The following KAZN variants were observed in gnomAD, a reference collection of about 807,000 sequenced individuals.
KAZN encodes kazrin, periplakin interacting protein, also known as kazrin.
A neutral mutation model predicts 87.4 loss-of-function variants in KAZN; 40 were observed. The observed-to-expected ratio is 0.46, with a 90% confidence interval of 0.36 to 0.60. KAZN has a LOEUF of 0.60. Among genes scored for constraint, KAZN ranks in the 20% least tolerant of loss-of-function variants. The pLI is 0.00. For synonymous variants in KAZN, 466 were observed against 458.3 expected (o/e 1.02, Z -0.22); for missense variants, 898 against 1,073.9 (o/e 0.84, Z 2.29).
intron 1 of KAZN, among the ~76,000 whole-genome samples, chr1:14,918,690 A>T (rs1658102737): frequency 2.9e-5 from 1 of 34,840 alleles, no homozygotes; most frequent in African/African-American, 1.0e-4. Flanking sequence ...AAAAAAAAAA[A>T]AAAAAAAAAA....
rs111422240 is a variant in KAZN at position 14,503,377 on chromosome 1, G to A, written c.250-95606G>A. Among the ~76,000 whole-genome samples, 342 of 151,204 alleles carry A rather than the reference G, an allele frequency of 2.3e-3. 1 individual carries two copies. Among genetic ancestry groups the A allele is most frequent in the Non-Finnish European group, 3.4e-3 (231 of 67,840 alleles). ...CGGGTGCCTGTGGTCCCAGCTACTC[G>A]GGAGGCTGAGGCAGGAGAATGGCAT... On this transcript the variant is annotated intron_variant, in intron 2 of 16. Coordinates refer to the KAZN transcript ENST00000636203.
intron 2 of KAZN, among the ~76,000 whole-genome samples, chr1:14,416,440 A>G (rs542245603): frequency 1.1e-4 from 16 of 152,348 alleles, no homozygotes; most frequent in Middle Eastern, 3.4e-3. Context: ...ATAGTAATAT[A>G]AAAAATGAGT....
At chr1:14,105,003 A>C (rs1330860872) in intron 1 of KAZN, among the ~76,000 whole-genome samples, 1 of 152,024 alleles carries the variant, frequency 6.6e-6, no homozygotes, top group African/African-American at 2.4e-5. Flanking sequence ...TATCTCCCTT[A>C]TCTGTGGAGG....
intron 1 of KAZN, among the ~76,000 whole-genome samples, chr1:14,686,584 C>G (rs1557889378): frequency 6.6e-6 from 1 of 152,228 alleles, no homozygotes; most frequent in Non-Finnish European, 1.5e-5. Flanking sequence ...ACCTGAAAAT[C>G]ATAGCAAAAT....
At chr1:14,035,827 C>T (rs963239500) in intron 1 of KAZN, among the ~76,000 whole-genome samples, 3 of 152,084 alleles carry the variant, frequency 2.0e-5, no homozygotes, top group Non-Finnish European at 2.9e-5. Context: ...CCTACTCCCT[C>T]AACTAGAGTT....
chr1:13,994,922 G>A (rs982718496), intron 1 of KAZN, among the ~76,000 whole-genome samples: 1 of 152,096 alleles, frequency 6.6e-6, no homozygotes, highest in Non-Finnish European at 1.5e-5. Context: ...TGAGGTTGGA[G>A]AGTAGAAAGC....
chr1:14,349,895 GGGAGGCGGAGGAGGGC>G (rs1279816548), intron 2 of KAZN, among the ~76,000 whole-genome samples: 5 of 152,070 alleles, frequency 3.3e-5, no homozygotes, highest in Non-Finnish European at 7.4e-5. Flanking sequence ...CCAGCACTTT[GGGAGGCGGAGGAGGGC>G]GGATCACGAG....
chr1:14,499,363 C>A (rs191734038), intron 2 of KAZN, among the ~76,000 whole-genome samples: 248 of 152,320 alleles, frequency 1.6e-3, no homozygotes, highest in African/African-American at 1.1e-3. Context: ...TTCTCTCCCC[C>A]ACCCAAGTCT....
At chr1:14,855,437 T>C (rs1382883270) in intron 1 of KAZN, among the ~76,000 whole-genome samples, 2 of 152,180 alleles carry the variant, frequency 1.3e-5, no homozygotes, top group Non-Finnish European at 1.5e-5. Context: ...CACATCTGAC[T>C]CCACCCTTAA....
At chr1:13,960,739 C>T (rs1192329082) in intron 1 of KAZN, among the ~76,000 whole-genome samples, 1 of 152,200 alleles carries the variant, frequency 6.6e-6, no homozygotes, top group Non-Finnish European at 1.5e-5. Context: ...CAAAGGCGGA[C>T]TGTCAGGGCT....
At chr1:14,051,694 G>T (rs1037843979) in intron 1 of KAZN, among the ~76,000 whole-genome samples, 3 of 152,036 alleles carry the variant, frequency 2.0e-5, no homozygotes, top group Non-Finnish European at 4.4e-5. Flanking sequence ...ACAAAAATTA[G>T]CCGGGTGTGG....
In KAZN at chr1:14,742,474, C is replaced by T. The variant is rs147987504; in HGVS notation, c.226+143251C>T. 5.9e-3 allele frequency among the ~76,000 whole-genome samples: 900 copies of T among 152,238 alleles called. 4 individuals are homozygous for T. The highest frequency in any genetic ancestry group is 8.9e-3 in the Non-Finnish European group (605 of 68,012). On this transcript the variant is annotated intron_variant, in intron 1 of 14. Transcript: ENST00000376030. ...GATTAACTAAGTGCATTCTTGCGTACGTGCTTGAATGAATGAAGGAATGAG... is the reference window on the plus strand; with the variant it reads ...GATTAACTAAGTGCATTCTTGCGTATGTGCTTGAATGAATGAAGGAATGAG...
intron 1 of KAZN, among the ~76,000 whole-genome samples, chr1:14,924,939 T>C (rs1374302174): frequency 6.6e-6 from 1 of 152,192 alleles, no homozygotes; most frequent in Non-Finnish European, 1.5e-5. Context: ...GGACCGCACC[T>C]GTGAGCCATG....
chr1:14,964,217 C>A (rs1664196548), intron 2 of KAZN, among the ~76,000 whole-genome samples: 1 of 152,122 alleles, frequency 6.6e-6, no homozygotes, highest in Admixed American at 6.6e-5. Flanking sequence ...ACCTCCCTGC[C>A]CCATGATTCC....
At chr1:13,899,358 C>CTTT (rs1464888826) in intron 1 of KAZN, among the ~76,000 whole-genome samples, 1 of 152,182 alleles carries the variant, frequency 6.6e-6, no homozygotes, top group Non-Finnish European at 1.5e-5. Flanking sequence ...TTTCTCTTAA[C>CTTT]TAGTTAGTAG....
chr1:14,328,846 C>A (rs1160967325), intron 2 of KAZN, among the ~76,000 whole-genome samples: 1 of 150,684 alleles, frequency 6.6e-6, no homozygotes, highest in Non-Finnish European at 1.5e-5. Flanking sequence ...TATGACTGTA[C>A]CTCCTTAGAT....
chr1:13,909,993 T>C (rs1639590702), intron 1 of KAZN, among the ~76,000 whole-genome samples: 1 of 152,162 alleles, frequency 6.6e-6, no homozygotes, highest in African/African-American at 2.4e-5. Flanking sequence ...CAGATGCCAC[T>C]CCCAATAGCT....
chr1:14,892,140 G>A (rs945324064), intron 1 of KAZN, among the ~76,000 whole-genome samples: 7 of 152,134 alleles, frequency 4.6e-5, no homozygotes, highest in African/African-American at 1.7e-4. Context: ...GCCGTCATCT[G>A]TGCTCCCATT....
At chr1:14,527,700 G>A (rs1671964211) in intron 2 of KAZN, among the ~76,000 whole-genome samples, 1 of 152,168 alleles carries the variant, frequency 6.6e-6, no homozygotes, top group South Asian at 2.1e-4. Context: ...AGCATGTGCA[G>A]AGATGGCAAG....
Sources: gnomAD v4.1 joint callset for allele counts (sites outside exome capture counted in the v4.1 genomes callset) on GRCh38, gnomAD v4.1.1 for gene constraint, MANE v1.5 for transcripts, NCBI Gene and HGNC (gene_info 2026-07-23, HGNC 2026-07-21) for gene names.